ELOVL7: variants seen among roughly 807,000 people sequenced by gnomAD.
ELOVL7 encodes very long chain fatty acid elongase 7.
ELOVL7 carries 27 observed loss-of-function variants against 35.7 expected under a neutral mutation model. The ratio of observed to expected loss-of-function variants is 0.76; its 90% CI spans 0.56 to 1.04. The LOEUF (loss-of-function observed/expected upper bound fraction) is 1.04, where lower values mean the gene tolerates loss of function less well. Among genes scored for constraint, ELOVL7 ranks in the 50% least tolerant of loss-of-function variants. ELOVL7 has a pLI of 0.00. For synonymous variants in ELOVL7, 113 were observed against 114.6 expected (o/e 0.99, Z 0.09); for missense variants, 327 against 340.8 (o/e 0.96, Z 0.32).
chr5:60,797,192 A>G (rs1176580196), intron 2 of ELOVL7, among the ~76,000 whole-genome samples: 1 of 152,238 alleles, frequency 6.6e-6, no homozygotes, highest in African/African-American at 2.4e-5. Flanking sequence ...ACACATACGC[A>G]TGTGTGTATG....
At chr5:60,830,758 C>G (rs1222712545) in intron 1 of ELOVL7, among the ~76,000 whole-genome samples, 1 of 152,128 alleles carries the variant, frequency 6.6e-6, no homozygotes, top group African/African-American at 2.4e-5. Context: ...GTGCAACCAT[C>G]ACTACCATTC....
At chr5:60,811,574 A>G (rs1008334093) in intron 1 of ELOVL7, among the ~76,000 whole-genome samples, 3 of 152,228 alleles carry the variant, frequency 2.0e-5, no homozygotes, top group African/African-American at 7.2e-5. Flanking sequence ...ACTCACACAA[A>G]GGCCATCAAC....
At chr5:60,776,112 C>A (rs778780352) in intron 3 of ELOVL7, among the ~76,000 whole-genome samples, 2 of 152,124 alleles carry the variant, frequency 1.3e-5, no homozygotes. Flanking sequence ...CCACAAGAAA[C>A]TTAAATCAAC....
At chr5:60,762,245 G>C (rs752290693) in intron 7 of ELOVL7, among the ~76,000 whole-genome samples, 10 of 141,964 alleles carry the variant, frequency 7.0e-5, no homozygotes, top group Non-Finnish European at 7.6e-5. Context: ...GTTGCAGTGA[G>C]CCGAGATCAC....
intron 2 of ELOVL7, among the ~76,000 whole-genome samples, chr5:60,791,919 C>A (rs555573697): frequency 4.7e-4 from 72 of 152,260 alleles, no homozygotes; most frequent in African/African-American, 1.7e-3. Flanking sequence ...TTTTCCTCTT[C>A]TTCTTTCACT....
At chr5:60,809,831 G>A (rs1176460976) in intron 1 of ELOVL7, among the ~76,000 whole-genome samples, 2 of 152,148 alleles carry the variant, frequency 1.3e-5, no homozygotes, top group Non-Finnish European at 2.9e-5. Context: ...TCTCCAGGTG[G>A]TGAATGGAAC....
chr5:60,784,065 G>T (rs1411287813), intron 3 of ELOVL7: 1 of 987,898 alleles, frequency 1.0e-6, no homozygotes, highest in Non-Finnish European at 1.5e-6. Flanking sequence ...CCCAGGGAGA[G>T]AGCATAGGGA....
intron 3 of ELOVL7, among the ~76,000 whole-genome samples, chr5:60,780,961 A>G (rs1450142849): frequency 6.6e-6 from 1 of 152,230 alleles, no homozygotes; most frequent in Admixed American, 6.5e-5. Context: ...CTGTAATCCC[A>G]GCACTTTGGG....
chr5:60,772,199 G>A (rs1333332833), intron 3 of ELOVL7, 106 bp from the exon 4 acceptor site: 17 of 667,930 alleles, frequency 2.5e-5, no homozygotes, highest in Non-Finnish European at 4.0e-5. Context: ...TTAACTGTGA[G>A]CTATTTGGGC....
chr5:60,827,183 A>G (rs1579929464), intron 1 of ELOVL7, among the ~76,000 whole-genome samples: 3 of 152,252 alleles, frequency 2.0e-5, no homozygotes, highest in Admixed American at 6.5e-5. Flanking sequence ...TAATCTGTGT[A>G]TACATTTGCA....
intron 4 of ELOVL7, among the ~76,000 whole-genome samples, chr5:60,769,852 G>A (rs541406485): frequency 4.9e-4 from 75 of 152,126 alleles, no homozygotes; most frequent in African/African-American, 1.8e-3. Context: ...GAGTTTGAGA[G>A]CAGTCTGGGA....
At chr5:60,825,993 C>T (rs1746146715) in intron 1 of ELOVL7, among the ~76,000 whole-genome samples, 1 of 152,210 alleles carries the variant, frequency 6.6e-6, no homozygotes, top group Admixed American at 6.5e-5. Context: ...AAGGAATGCC[C>T]AGCGGTGGAC....
intron 2 of ELOVL7, among the ~76,000 whole-genome samples, chr5:60,788,359 T>G (rs1222982320): frequency 1.3e-5 from 2 of 152,196 alleles, no homozygotes; most frequent in East Asian, 3.8e-4. Flanking sequence ...TGGTGATGGC[T>G]GCACAACAAT....
intron 1 of ELOVL7, among the ~76,000 whole-genome samples, chr5:60,840,128 G>A (rs972964385): frequency 2.0e-5 from 3 of 152,180 alleles, no homozygotes; most frequent in Non-Finnish European, 2.9e-5. Context: ...ATTATTTGCA[G>A]ATAGGCGCTT....
chr5:60,762,299 CAAA>C (rs3030130), intron 7 of ELOVL7, among the ~76,000 whole-genome samples: 8,385 of 79,376 alleles, frequency 0.11, 325 homozygotes, highest in East Asian at 0.28. Flanking sequence ...AACTCTGCCT[CAAA>C]AAAAAAAAAA....
At chr5:60,789,427 AT>A (rs200200577) in intron 2 of ELOVL7, among the ~76,000 whole-genome samples, 1 of 151,798 alleles carries the variant, frequency 6.6e-6, no homozygotes, top group African/African-American at 2.4e-5. Flanking sequence ...AAATTCAAAC[AT>A]TTTTTTTATC....
Position 60,768,974 on chromosome 5 carries a change from T to C in ELOVL7, c.256-1071A>G, listed in dbSNP as rs897039843. Among the ~76,000 whole-genome samples, 62 of 152,168 alleles carry C rather than the reference T, an allele frequency of 4.1e-4. 1 individual carries two copies. Among genetic ancestry groups the C allele is most frequent in the Non-Finnish European group, 1.9e-4 (13 of 68,030 alleles). ...TTGTCAGAATAATATTCTGATTGTG[T>C]AAAGAAAAGAAACAAAGGAGAAGAA... On this transcript the variant is annotated intron_variant, in intron 4 of 8. Transcript: ENST00000508821.
chr5:60,766,438 G>C, intron 6 of ELOVL7, 136 bp downstream of exon 6: 2 of 659,300 alleles, frequency 3.0e-6, no homozygotes, highest in Middle Eastern at 5.2e-4. Context: ...CAGTAGGTCT[G>C]CCTGAATAGG....
Position 60,754,826 on chromosome 5 carries a change from A to G in ELOVL7, c.644T>C (p.Phe215Ser), listed in dbSNP as rs1263947601. 2.5e-6 allele frequency: 4 copies of G among 1,613,558 alleles called. No homozygotes were observed. Among genetic ancestry groups the G allele is most frequent in the Admixed American group, 3.3e-5 (2 of 59,890 alleles). The part of the protein sequence containing the change: ...KYLTSLQLVQ[F>S]VIVAIHISQF... ...GCTTATGTGGATGGCGACAATAACA[A>G]ACTGGACCTAAGAAATGAAAACGTG... is the stretch of plus-strand genomic sequence containing the variant. The change falls in exon 9 of 9, where the codon TTT becomes TCT. Residue 215 changes from phenylalanine to serine, a missense_variant. Physicochemically the swap from Phe to Ser is radical, Grantham distance 155. Coordinates refer to ENST00000508821, the MANE Select transcript of ELOVL7 (RefSeq NM_024930.3).
Sources: gnomAD v4.1 joint callset for allele counts (sites outside exome capture counted in the v4.1 genomes callset) on GRCh38, gnomAD v4.1.1 for gene constraint, MANE v1.5 for transcripts, NCBI Gene and HGNC (gene_info 2026-07-23, HGNC 2026-07-21) for gene names.